Variants in PFKP observed in about 807,000 individuals in gnomAD.
PFKP encodes the protein ATP-dependent 6-phosphofructokinase, platelet type.
A neutral mutation model predicts 94.3 loss-of-function variants in PFKP; 101 were observed. The observed-to-expected ratio is 1.07, with a 90% CI of 0.91 to 1.26. PFKP has a LOEUF of 1.26. Among genes scored for constraint, PFKP ranks in the 50% most tolerant of loss-of-function variants. The pLI is 0.00. For missense variants in PFKP, 1,145 were observed against 1,103.3 expected, an observed-to-expected ratio of 1.04 and a Z score of -0.53; for synonymous variants, 573 against 432.6, an observed-to-expected ratio of 1.32 and a Z score of -4.03.
In PFKP at chr10:3,084,861, C is replaced by T. The variant is rs1418740646; in HGVS notation, c.186+2400C>T. Among the ~76,000 whole-genome samples the T allele has an allele frequency of 4.2e-5, 6 of 141,496 alleles. 1 individual carries two copies. The highest frequency in any genetic ancestry group is 9.2e-5 in the Non-Finnish European group (6 of 65,274). The allele number at this position is 141,496 out of a possible 152,430, so 92.8% of individuals were successfully genotyped here. ...ACAGTCCTCCACCCCCTCCCCAGCACGGTCCCCCACTCCACTCTCCAGCAC... is the reference window on the plus strand; with the variant it reads ...ACAGTCCTCCACCCCCTCCCCAGCATGGTCCCCCACTCCACTCTCCAGCAC... On this transcript the variant is annotated intron_variant, in intron 2 of 21. Transcript: ENST00000381125.
At position 3,116,657 on chromosome 10, in the gene PFKP, G is replaced by A. The variant is rs769572346; in HGVS notation, c.1372-119G>A. 9.8e-5 allele frequency: 76 copies of A among 777,094 alleles called. 1 individual carries two copies. Among genetic ancestry groups the A allele is most frequent in the Admixed American group, 1.5e-4 (8 of 53,658 alleles). 48.1% of individuals were successfully genotyped at this position (777,094 alleles called of 1,614,324 possible). On this transcript the variant is annotated intron_variant, in intron 13 of 21. Coordinates refer to ENST00000381125, the MANE Select transcript of PFKP (RefSeq NM_002627.5). ...CATCGTGATAAATGCTGTCTCATAC[G>A]CCTCTCAAATCTTTACCGGAATGCA...
Position 3,082,479 on chromosome 10 carries a change from A to C in PFKP, c.186+18A>C. The stretch of plus-strand genomic sequence containing the variant: ...TCTACGAGGTCAGTGTCTGCCCCTC[A>C]CCCCCTGTCGCCCTTCTTCCACCTG... On this transcript the variant is annotated intron_variant, in intron 2 of 21. Coordinates refer to ENST00000381125, the MANE Select transcript of PFKP (RefSeq NM_002627.5). The C allele has an allele frequency of 6.3e-7, 1 of 1,582,314 alleles. No individual in the cohort carries two copies.
chr10:3,093,832 G>T (rs545392678), intron 2 of PFKP, among the ~76,000 whole-genome samples: 2 of 151,818 alleles, frequency 1.3e-5, no homozygotes, highest in East Asian at 3.9e-4. Flanking sequence ...TTTAGTAGAG[G>T]TGGGGTTTCA....
intron 2 of PFKP, among the ~76,000 whole-genome samples, chr10:3,095,493 C>T (rs1834410386): frequency 6.6e-6 from 1 of 152,180 alleles, no homozygotes. Context: ...ATACAGCCAA[C>T]GAGGAGCTCT....
At chr10:3,130,094 A>G (rs1292100279) in intron 17 of PFKP, 111 bp downstream of exon 17, 1 of 969,472 alleles carries the variant, frequency 1.0e-6, no homozygotes, top group African/African-American at 1.6e-5. Flanking sequence ...GGAGATGGAG[A>G]TGCTACAGAA....
At chr10:3,070,600 C>T (rs922845522) in intron 1 of PFKP, among the ~76,000 whole-genome samples, 2 of 152,136 alleles carry the variant, frequency 1.3e-5, no homozygotes, top group African/African-American at 4.8e-5. Context: ...AATACATGAT[C>T]CCAAGAGAGG....
chr10:3,084,291 T>A (rs1018237324), intron 2 of PFKP, among the ~76,000 whole-genome samples: 5 of 152,218 alleles, frequency 3.3e-5, no homozygotes, highest in Non-Finnish European at 5.9e-5. Flanking sequence ...TGTGTGCCGC[T>A]GTGTGCGGCG....
chr10:3,115,164 T>TGA (rs1836656956), intron 13 of PFKP, among the ~76,000 whole-genome samples: 1 of 152,192 alleles, frequency 6.6e-6, no homozygotes, highest in African/African-American at 2.4e-5. Context: ...TAGGAAGCCC[T>TGA]GAGACACACT....
chr10:3,108,841 C>T (rs371134212), intron 9 of PFKP, 48 bp downstream of exon 9: 11 of 1,364,476 alleles, frequency 8.1e-6, no homozygotes, highest in African/African-American at 7.1e-5. Flanking sequence ...TAGGAGGAAG[C>T]GTTTCTGGAG....
At chr10:3,093,674 T>C (rs565185907) in intron 2 of PFKP, among the ~76,000 whole-genome samples, 47 of 137,772 alleles carry the variant, frequency 3.4e-4, no homozygotes, top group Middle Eastern at 4.2e-3. Flanking sequence ...GACAGAGTCT[T>C]GCTCTGTCAC....
intron 1 of PFKP, among the ~76,000 whole-genome samples, chr10:3,068,945 G>C (rs1360131558): frequency 6.6e-6 from 1 of 152,140 alleles, no homozygotes; most frequent in African/African-American, 2.4e-5. Flanking sequence ...TGCACCCCCT[G>C]CCCACTGCGC....
chr10:3,116,992 C>T (rs1004219704), intron 14 of PFKP, 146 bp downstream of exon 14: 1 of 703,066 alleles, frequency 1.4e-6, no homozygotes, highest in Non-Finnish European at 2.6e-6. Flanking sequence ...CCGGTCCTCC[C>T]TCCAGTGGAA....
Position 3,095,425 on chromosome 10 carries a change from T to C in PFKP, c.187-3850T>C, listed in dbSNP as rs140404619. 3.3e-5 allele frequency among the ~76,000 whole-genome samples: 5 copies of C among 152,358 alleles called. No individual in the cohort carries two copies. In the East Asian group the frequency reaches 9.6e-4, roughly 29 times the overall value. The stretch of plus-strand genomic sequence containing the variant: ...TGAAATGACTTCAGAGCCTGTGGCA[T>C]GTTCTTAGATGTGATCGAATGACTC... On this transcript the variant is annotated intron_variant, in intron 2 of 21. Coordinates refer to ENST00000381125, the MANE Select transcript of PFKP (RefSeq NM_002627.5).
At chr10:3,075,267 T>TGTTTATGGCCAGTTTTAGGGTCA (rs1832489880) in intron 1 of PFKP, among the ~76,000 whole-genome samples, 1 of 152,024 alleles carries the variant, frequency 6.6e-6, no homozygotes, top group African/African-American at 2.4e-5. Flanking sequence ...GCAGAGATTT[T>TGTTTATGGCCAGTTTTAGGGTCA]GTTTATGGCC....
At chr10:3,073,263 GTC>G (rs1487129805) in intron 1 of PFKP, among the ~76,000 whole-genome samples, 2 of 151,890 alleles carry the variant, frequency 1.3e-5, no homozygotes, top group Non-Finnish European at 2.9e-5. Flanking sequence ...GCATCACTCA[GTC>G]TCTGTCTCCT....
rs748921831 is a variant in PFKP at position 3,108,787 on chromosome 10, G to A, written c.957G>A (p.Arg319=). 3.9e-5 allele frequency: 62 copies of A among 1,609,834 alleles called. No individual in the cohort carries two copies. The highest frequency in any genetic ancestry group is 5.3e-5 in the Non-Finnish European group (62 of 1,176,240). ...GAGGGACCCCTTCGGCATTCGACAG[G>A]ATCTTGGTGAGTTGGGAAGGGTTGG... ...QRGGTPSAFD[R]ILASRMGVEA... is the part of the protein sequence containing the mutation. The change falls in exon 9 of 22, where the codon AGG becomes AGA. Residue 319 remains arginine (R), a synonymous_variant. Coordinates refer to ENST00000381125, the MANE Select transcript of PFKP (RefSeq NM_002627.5).
chr10:3,086,663 C>T (rs547375628), intron 2 of PFKP, among the ~76,000 whole-genome samples: 2 of 151,994 alleles, frequency 1.3e-5, no homozygotes, highest in Admixed American at 6.6e-5. Context: ...CAAGCGCACA[C>T]TGTGTTTGGT....
At position 3,103,801 on chromosome 10, in the gene PFKP, G is replaced by A. The variant is rs1264473173; in HGVS notation, c.477G>A (p.Val159=). 2.5e-6 allele frequency: 4 copies of A among 1,613,826 alleles called. No homozygotes were observed. The highest frequency in any genetic ancestry group is 3.4e-6 in the Non-Finnish European group (4 of 1,180,042). The change falls in exon 5 of 22, where the codon GTG becomes GTA. Residue 159 remains valine (V), a synonymous_variant. Transcript: ENST00000381125. ...CAGGCCAGATCGATAAGGAGGCCGTGCAGAAGTACGCCTACCTCAACGTGG... is the reference window on the plus strand; with the variant it reads ...CAGGCCAGATCGATAAGGAGGCCGTACAGAAGTACGCCTACCTCAACGTGG... The part of the protein sequence containing the change: ...ARNGQIDKEA[V]QKYAYLNVVG...
intron 16 of PFKP, chr10:3,125,127 G>T: frequency 7.5e-7 from 1 of 1,332,074 alleles, no homozygotes; most frequent in Non-Finnish European, 9.9e-7. Context: ...CATGGCCGAG[G>T]CACGAGGCCG....
Sources: allele counts gnomAD v4.1 joint callset (sites outside exome capture counted in the v4.1 genomes callset), GRCh38; gene constraint gnomAD v4.1.1; transcripts MANE v1.5; gene names NCBI Gene and HGNC (gene_info 2026-07-23, HGNC 2026-07-21).